The following RASGRP3 variants were observed in gnomAD, a reference collection of about 807,000 sequenced individuals.
RASGRP3 encodes the protein ras guanyl-releasing protein 3.
RASGRP3 carries 54 observed loss-of-function variants against 82.7 expected under a neutral mutation model. That is an observed-to-expected ratio of 0.65 (90% confidence interval 0.52 to 0.82). RASGRP3 has a LOEUF of 0.82. Among genes scored for constraint, RASGRP3 ranks in the 40% least tolerant of loss-of-function variants. The pLI is 0.00. For synonymous variants in RASGRP3, 309 were observed against 300.5 expected, an observed-to-expected ratio of 1.03 and a Z score of -0.29; for missense variants, 861 against 828.9, an observed-to-expected ratio of 1.04 and a Z score of -0.48.
At chr2:33,535,686 C>A (rs1221397281) in intron 11 of RASGRP3, among the ~76,000 whole-genome samples, 1 of 152,296 alleles carries the variant, frequency 6.6e-6, no homozygotes, top group East Asian at 1.9e-4. Flanking sequence ...GGCTCATCTC[C>A]TGGAAATACT....
chr2:33,442,268 C>G (rs1277979218), intron 1 of RASGRP3, among the ~76,000 whole-genome samples: 1 of 152,154 alleles, frequency 6.6e-6, no homozygotes, highest in African/African-American at 2.4e-5. Flanking sequence ...GGAGGCTAAG[C>G]CAGGAGAATT....
At chr2:33,483,793 C>G (rs17594787) in intron 1 of RASGRP3, among the ~76,000 whole-genome samples, 9,667 of 152,126 alleles carry the variant, frequency 0.064, 305 homozygotes, top group South Asian at 0.11. Context: ...CCGGCCTAGT[C>G]ACTACTTTTC....
intron 1 of RASGRP3, among the ~76,000 whole-genome samples, chr2:33,494,741 C>G (rs543485824): frequency 6.6e-6 from 1 of 152,318 alleles, no homozygotes; most frequent in South Asian, 2.1e-4. Flanking sequence ...GGGGCATTGG[C>G]ACCCAGTCCC....
At chr2:33,500,092 G>A (rs1465186484) in intron 1 of RASGRP3, among the ~76,000 whole-genome samples, 3 of 152,102 alleles carry the variant, frequency 2.0e-5, no homozygotes, top group Admixed American at 6.6e-5. Flanking sequence ...TGGGAGAGGA[G>A]AGACATTCAA....
chr2:33,514,130 A>G (rs1054486672), intron 2 of RASGRP3: 2 of 152,206 alleles, frequency 1.3e-5, no homozygotes, highest in African/African-American at 4.8e-5. Context: ...TATGCAAAGC[A>G]TTCGGAATGG....
chr2:33,545,634 C>T (rs1674656679), intron 13 of RASGRP3, among the ~76,000 whole-genome samples: 1 of 152,058 alleles, frequency 6.6e-6, no homozygotes, highest in African/African-American at 2.4e-5. Context: ...GAAATCTGTG[C>T]CCATTCCTTT....
Position 33,462,046 on chromosome 2 carries a change from C to T in RASGRP3, c.-261+14103C>T, listed in dbSNP as rs560824537. Among the ~76,000 whole-genome samples the T allele has an allele frequency of 1.7e-4, 26 of 152,274 alleles. No homozygotes were observed. In the South Asian group the frequency reaches 3.9e-3, roughly 23 times the overall value. On this transcript the variant is annotated intron_variant, in intron 2 of 18. Transcript: ENST00000402538. ...TAAAGTGAAGAGCAAAAGCGATTAA[C>T]TGGAACATTGACATTGTTTAGAATT...
At chr2:33,542,975 G>C (rs1483335845) in intron 12 of RASGRP3, among the ~76,000 whole-genome samples, 1 of 152,102 alleles carries the variant, frequency 6.6e-6, no homozygotes, top group Non-Finnish European at 1.5e-5. Context: ...TTGCAGGCAT[G>C]AGCCACCGCG....
chr2:33,540,496 C>T (rs898868165), intron 12 of RASGRP3, among the ~76,000 whole-genome samples: 1 of 145,148 alleles, frequency 6.9e-6, no homozygotes, highest in Non-Finnish European at 1.5e-5. Context: ...ATTCTACATA[C>T]TGACTTCCTC....
chr2:33,461,028 C>T (rs1171447705), intron 2 of RASGRP3, among the ~76,000 whole-genome samples: 1 of 152,192 alleles, frequency 6.6e-6, no homozygotes, highest in Non-Finnish European at 1.5e-5. Context: ...ATTGATTTCT[C>T]ACTGCCACGC....
intron 15 of RASGRP3, among the ~76,000 whole-genome samples, chr2:33,556,529 G>T (rs1247538846): frequency 6.6e-6 from 1 of 150,724 alleles, no homozygotes; most frequent in Non-Finnish European, 1.5e-5. Context: ...TTACAGGCGT[G>T]AGCCACCGCG....
At chr2:33,529,977 A>G (rs985283385) in intron 10 of RASGRP3, among the ~76,000 whole-genome samples, 2 of 152,176 alleles carry the variant, frequency 1.3e-5, no homozygotes, top group Admixed American at 1.3e-4. Flanking sequence ...GCCAAGAAGA[A>G]AGTTTAGTGC....
At position 33,520,591 on chromosome 2, in the gene RASGRP3, A is replaced by G. The variant is rs1454247444; in HGVS notation, c.275A>G (p.Asp92Gly). 6.2e-7 allele frequency: 1 copy of G among 1,613,824 alleles called. No individual in the cohort carries two copies. Among genetic ancestry groups the G allele is most frequent in the Non-Finnish European group, 8.5e-7 (1 of 1,179,874 alleles). ...AAGTTTCCTGCAGAGTTTAATTTGG[A>G]TCTTGGTTTGATTCGTATGACTGAG... ...ILKFPAEFNL[D>G]LGLIRMTEEF... Residue 92 changes from aspartate to glycine, a missense_variant, in exon 6 of 18, where the codon GAT becomes GGT. By Grantham distance (94) the Asp-to-Gly change is moderately conservative (BLOSUM62 -1). Transcript: ENST00000403687.
At chr2:33,506,795 C>G (rs1360937655) in intron 1 of RASGRP3, among the ~76,000 whole-genome samples, 1 of 152,196 alleles carries the variant, frequency 6.6e-6, no homozygotes, top group Non-Finnish European at 1.5e-5. Flanking sequence ...TACTGCCTCA[C>G]CATCCATAAA....
chr2:33,529,220 C>T (rs781352876), intron 10 of RASGRP3, among the ~76,000 whole-genome samples: 34 of 151,948 alleles, frequency 2.2e-4, no homozygotes, highest in Non-Finnish European at 4.0e-4. Flanking sequence ...ACTGGCTGGG[C>T]GTGGTGGCTC....
chr2:33,529,276 C>T (rs1267496541), intron 10 of RASGRP3, among the ~76,000 whole-genome samples: 1 of 151,762 alleles, frequency 6.6e-6, no homozygotes, highest in Non-Finnish European at 1.5e-5. Flanking sequence ...GGGCAGATCA[C>T]AAGGTCAGGA....
At chr2:33,501,651 GT>G (rs1266212614) in intron 1 of RASGRP3, among the ~76,000 whole-genome samples, 2 of 152,218 alleles carry the variant, frequency 1.3e-5, no homozygotes, top group African/African-American at 4.8e-5. Flanking sequence ...TTCCTCTGCA[GT>G]TTGCGTGTAG....
intron 1 of RASGRP3, among the ~76,000 whole-genome samples, chr2:33,502,309 G>C (rs1310707524): frequency 6.6e-6 from 1 of 151,930 alleles, no homozygotes; most frequent in Non-Finnish European, 1.5e-5. Context: ...GGTGGGTGGG[G>C]GTTGGGGGGT....
intron 2 of RASGRP3, among the ~76,000 whole-genome samples, chr2:33,458,489 A>C (rs961936944): frequency 2.6e-5 from 4 of 152,234 alleles, no homozygotes; most frequent in African/African-American, 9.6e-5. Context: ...CTCTCACTAC[A>C]AAGCCCCAGA....
Sources: gnomAD v4.1 joint callset for allele counts (sites outside exome capture counted in the v4.1 genomes callset) on GRCh38, gnomAD v4.1.1 for gene constraint, MANE v1.5 for transcripts, NCBI Gene and HGNC (gene_info 2026-07-23, HGNC 2026-07-21) for gene names.